The following SMIM14 variants were observed in gnomAD, a reference collection of about 807,000 sequenced individuals.
SMIM14 encodes the protein small integral membrane protein 14.
Under a neutral mutation model 12.6 loss-of-function variants are expected in SMIM14, and 5 were observed. That is an observed-to-expected ratio of 0.40 (90% CI 0.21 to 0.83). The LOEUF (loss-of-function observed/expected upper bound fraction) is 0.83, where lower values mean the gene tolerates loss of function less well. Ranked by LOEUF, SMIM14 falls within the 40% of genes least tolerant of loss-of-function variation. The probability of loss-of-function intolerance (pLI) is 0.37; values close to 1 mark genes in which losing one functional copy is unlikely to be tolerated. For missense variants in SMIM14, 86 were observed against 119.1 expected, an observed-to-expected ratio of 0.72 and a Z score of 1.29; for synonymous variants, 30 against 40.1, an observed-to-expected ratio of 0.75 and a Z score of 0.95.
intron 1 of SMIM14, among the ~76,000 whole-genome samples, chr4:39,622,505 A>G (rs370114073): frequency 3.8e-4 from 58 of 152,246 alleles, no homozygotes; most frequent in African/African-American, 1.4e-3. Context: ...GATTCAAGTG[A>G]TTCTCCTGCC....
Position 39,632,478 on chromosome 4 carries a change from C to CA in SMIM14, c.-36+6260dup, listed in dbSNP as rs71192888. On this transcript the variant is annotated intron_variant, in intron 1 of 4. Transcript: ENST00000295958. ...CTACTGACAGAGCGAGACTCCGTCT[C>CA]AAAAAAAAAAAAAAAAAAAAAACCT... Among the ~76,000 whole-genome samples, 290 of 88,392 alleles carry CA rather than the reference C, an allele frequency of 3.3e-3. 3 individuals are homozygous for CA. The highest frequency in any genetic ancestry group is 6.9e-3 in the Middle Eastern group (1 of 144). The allele number at this position is 88,392 out of a possible 152,430, so 58.0% of individuals were successfully genotyped here.
At position 39,630,348 on chromosome 4, in the gene SMIM14, G is replaced by A. The variant is rs148880046; in HGVS notation, c.-36+8391C>T. ...TTGAGCCCAGGAGTTCAAGGCTACCGTGAGCTATGATCACACCACTGCACT... is the reference window on the plus strand; with the variant it reads ...TTGAGCCCAGGAGTTCAAGGCTACCATGAGCTATGATCACACCACTGCACT... On this transcript the variant is annotated intron_variant, in intron 1 of 4. Transcript: ENST00000295958. Among the ~76,000 whole-genome samples, 228 of 152,262 alleles carry A rather than the reference G, an allele frequency of 1.5e-3. 1 individual carries two copies. Among genetic ancestry groups the A allele is most frequent in the African/African-American group, 4.8e-3 (198 of 41,548 alleles).
chr4:39,598,914 G>A (rs1199220103), intron 2 of SMIM14, among the ~76,000 whole-genome samples: 1 of 151,998 alleles, frequency 6.6e-6, no homozygotes, highest in Non-Finnish European at 1.5e-5. Flanking sequence ...GCCACCCTGG[G>A]ATGTCCCTTC....
chr4:39,553,289 C>T (rs1711819060), intron 4 of SMIM14, among the ~76,000 whole-genome samples: 1 of 152,078 alleles, frequency 6.6e-6, no homozygotes, highest in Admixed American at 6.6e-5. Context: ...TCTCCAACTC[C>T]TGACCTCAAA....
intron 1 of SMIM14, among the ~76,000 whole-genome samples, chr4:39,615,966 ATGG>A (rs1345558617): frequency 1.3e-5 from 2 of 152,254 alleles, no homozygotes; most frequent in African/African-American, 4.8e-5. Context: ...AATTAAAGCT[ATGG>A]TACATTCAAG....
chr4:39,598,608 T>C (rs769957454), intron 2 of SMIM14, among the ~76,000 whole-genome samples: 3 of 152,222 alleles, frequency 2.0e-5, no homozygotes, highest in Non-Finnish European at 4.4e-5. Context: ...TACTCAGTTA[T>C]CAATTATAAC....
chr4:39,592,933 T>A (rs1402148572), intron 2 of SMIM14: 1 of 151,146 alleles, frequency 6.6e-6, no homozygotes, highest in Non-Finnish European at 1.5e-5. Flanking sequence ...CCAAAAAGAG[T>A]CCAGGACCAG....
At chr4:39,561,024 G>C (rs916639304) in intron 3 of SMIM14, among the ~76,000 whole-genome samples, 2 of 149,186 alleles carry the variant, frequency 1.3e-5, no homozygotes, top group African/African-American at 2.6e-5. Flanking sequence ...ATTGTTTCCA[G>C]AGTGATTTTT....
intron 1 of SMIM14, among the ~76,000 whole-genome samples, chr4:39,621,457 A>G (rs372183606): frequency 3.9e-4 from 59 of 152,304 alleles, no homozygotes; most frequent in African/African-American, 1.4e-3. Context: ...ACAAACTATG[A>G]TAACTTTTCT....
In SMIM14 at chr4:39,635,851, G is replaced by A. The variant is rs1716066294; in HGVS notation, c.-36+2888C>T. On this transcript the variant is annotated intron_variant, in intron 1 of 4. Transcript: ENST00000295958. ...CAACTGGTAAAGCACTGGACTAAAT[G>A]GGCACACACCAAGACTCAATGCATA... 2.0e-5 allele frequency among the ~76,000 whole-genome samples: 3 copies of A among 151,960 alleles called. No individual in the cohort carries two copies. In the South Asian group the frequency reaches 6.2e-4, roughly 32 times the overall value.
rs1444190588 is a variant in SMIM14 at position 39,546,573 on chromosome 4, C to T, written c.*5553G>A. ...CAGAGAAAGTCATCAGGTGAAATGC[C>T]AAGACCAAAAAACTTATTTTATTTG... On this transcript the variant is annotated 3_prime_UTR_variant, in exon 5 of 5. Coordinates refer to ENST00000295958, the MANE Select transcript of SMIM14 (RefSeq NM_174921.3). 1.3e-5 allele frequency: 2 copies of T among 152,156 alleles called. No individual in the cohort carries two copies. The highest frequency in any genetic ancestry group is 4.8e-5 in the African/African-American group (2 of 41,440). The allele number at this position is 152,156 out of a possible 1,614,324, so 9.4% of individuals were successfully genotyped here. A position where few individuals can be genotyped will look rare whatever the true frequency, so the allele number is the denominator to read the frequency against.
chr4:39,634,206 CATG>C (rs1188551276), intron 1 of SMIM14, among the ~76,000 whole-genome samples: 1 of 152,212 alleles, frequency 6.6e-6, no homozygotes, highest in East Asian at 1.9e-4. Context: ...GGATTACAGG[CATG>C]AGCCACCGCG....
chr4:39,573,632 G>C (rs1713013382), intron 2 of SMIM14, among the ~76,000 whole-genome samples: 1 of 152,122 alleles, frequency 6.6e-6, no homozygotes, highest in Admixed American at 6.6e-5. Flanking sequence ...GTGCTAAACT[G>C]TAGAGAACTA....
chr4:39,619,769 T>A (rs1715393420), intron 1 of SMIM14, among the ~76,000 whole-genome samples: 2 of 139,004 alleles, frequency 1.4e-5, no homozygotes, highest in South Asian at 2.1e-4. Context: ...TATATATCAA[T>A]AAATAATTTA....
intron 2 of SMIM14, among the ~76,000 whole-genome samples, chr4:39,583,591 G>A (rs1482209369): frequency 4.6e-5 from 7 of 151,974 alleles, no homozygotes; most frequent in Non-Finnish European, 8.8e-5. Flanking sequence ...TTCTAATGTG[G>A]CTCCCTATTG....
At chr4:39,580,576 G>A (rs1173345067) in intron 2 of SMIM14, among the ~76,000 whole-genome samples, 1 of 151,824 alleles carries the variant, frequency 6.6e-6, no homozygotes, top group Non-Finnish European at 1.5e-5. Flanking sequence ...GGCGAGGCTG[G>A]AGTACAGTGG....
At position 39,558,968 on chromosome 4, in the gene SMIM14, A is replaced by G. The variant is rs1260143312; in HGVS notation, c.125-2398T>C. On this transcript the variant is annotated intron_variant, in intron 3 of 4. Coordinates refer to ENST00000295958, the MANE Select transcript of SMIM14 (RefSeq NM_174921.3). This position sits in a 1 kb window ranked among gnomAD's most constrained non-coding sequence, Gnocchi z 4.3. ...CGTGATCTGCCTGCTTCGGCCTCCC[A>G]AAGTGCTGGGATTACAGGCATGAGC... Among the ~76,000 whole-genome samples the G allele has an allele frequency of 6.6e-6, 1 of 152,024 alleles. No homozygotes were observed. Among genetic ancestry groups the G allele is most frequent in the Non-Finnish European group, 1.5e-5 (1 of 68,000 alleles).
intron 1 of SMIM14, among the ~76,000 whole-genome samples, chr4:39,619,422 ATAATT>A (rs1419556185): frequency 3.0e-5 from 3 of 99,020 alleles, no homozygotes; most frequent in Non-Finnish European, 5.4e-5. Context: ...ATCAATAAAT[ATAATT>A]TATTCTATAT....
chr4:39,571,869 C>G (rs539235529), intron 3 of SMIM14, among the ~76,000 whole-genome samples: 10 of 151,452 alleles, frequency 6.6e-5, no homozygotes, highest in African/African-American at 2.4e-4. Context: ...GTGGTGCGAT[C>G]ACAGCTCACT....
Sources: allele counts gnomAD v4.1 joint callset (sites outside exome capture counted in the v4.1 genomes callset), GRCh38; gene constraint gnomAD v4.1.1; non-coding constraint Gnocchi (gnomAD v3.1); transcripts MANE v1.5; gene names NCBI Gene and HGNC (gene_info 2026-07-23, HGNC 2026-07-21).